Variants in CPM observed in about 807,000 individuals in gnomAD.
The protein encoded by CPM is carboxypeptidase M, also known as renal carboxypeptidase.
Under a neutral mutation model 46.4 loss-of-function variants are expected in CPM, and 35 were observed. The ratio of observed to expected loss-of-function variants is 0.75; its 90% CI spans 0.58 to 1.00. The LOEUF (loss-of-function observed/expected upper bound fraction) is 1.00, where lower values mean the gene tolerates loss of function less well. CPM is among the 50% of genes least tolerant of loss of function. CPM has a pLI of 0.00. For synonymous variants in CPM, 195 were observed against 195.3 expected, an observed-to-expected ratio of 1.00 and a Z score of 0.01; for missense variants, 422 against 530.4, an observed-to-expected ratio of 0.80 and a Z score of 2.01.
rs1345713700 is a variant in CPM, at chr12:68,870,378, G to A, written c.453C>T (p.Asp151=). Residue 151 remains aspartate, a synonymous_variant, in exon 5 of 9, where the codon GAC becomes GAT. Coordinates refer to ENST00000551568, the MANE Select transcript of CPM (RefSeq NM_198320.5). ...AAGCATCGGGGAAATTTCGATTCAA[G>A]TCATACTGGTTATAATTTTCCCTTT... ...SIGRENYNQY[D]LNRNFPDAFE... 6 of 1,613,926 alleles carry A rather than the reference G, an allele frequency of 3.7e-6. No individual in the cohort carries two copies. The highest frequency in any genetic ancestry group is 3.3e-5 in the Admixed American group (2 of 59,994).
chr12:68,921,059 T>C (rs904592223), intron 2 of CPM, among the ~76,000 whole-genome samples: 1 of 151,960 alleles, frequency 6.6e-6, no homozygotes, highest in Non-Finnish European at 1.5e-5. Context: ...CCACCTTTTT[T>C]CTTTGTCAAA....
At chr12:68,927,665 C>T (rs1437770479) in intron 2 of CPM, among the ~76,000 whole-genome samples, 1 of 152,042 alleles carries the variant, frequency 6.6e-6, no homozygotes, top group Non-Finnish European at 1.5e-5. Flanking sequence ...ATGGTAATGC[C>T]TAGGTTTTCT....
At chr12:68,932,907 C>A (rs1319340237) in intron 1 of CPM, 67 bp from the exon 2 acceptor site, 1 of 1,441,788 alleles carries the variant, frequency 6.9e-7, no homozygotes. Flanking sequence ...TCACCAGCTA[C>A]GTCTCGGTAC....
At position 68,859,095 on chromosome 12, in the gene CPM, ATATT is replaced by A. The variant is rs774724250; in HGVS notation, c.941-28_941-25del. The A allele has an allele frequency of 2.2e-6, 3 of 1,345,030 alleles. No individual in the cohort carries two copies. The South Asian group carries it at 5.8e-5, about 26-fold the overall frequency. The allele number at this position is 1,345,030 out of a possible 1,614,324, so 83.3% of individuals were successfully genotyped here. A position where few individuals can be genotyped will look rare whatever the true frequency, so the allele number is the denominator to read the frequency against. On this transcript the variant is annotated intron_variant, in intron 7 of 8. Transcript: ENST00000551568. Reference sequence around the variant, plus strand: ...ACCTGCAAGACAAAAATAAAATTAAATATTAATACCATATTTTATGGCATATAAA... The same window carrying A: ...ACCTGCAAGACAAAAATAAAATTAAAAATACCATATTTTATGGCATATAAA...
chr12:68,960,031 A>G (rs191809904), intron 1 of CPM, among the ~76,000 whole-genome samples: 29 of 152,346 alleles, frequency 1.9e-4, no homozygotes, highest in Admixed American at 1.2e-3. Context: ...ATACAAATAC[A>G]TTCTTTGTTC....
intron 2 of CPM, among the ~76,000 whole-genome samples, chr12:68,892,406 T>C (rs926164436): frequency 1.3e-5 from 2 of 152,170 alleles, no homozygotes; most frequent in Admixed American, 6.5e-5. Context: ...TTTGATTAGC[T>C]GGTACATCCC....
intron 2 of CPM, among the ~76,000 whole-genome samples, chr12:68,918,033 C>G (rs80232381): frequency 0.046 from 7,016 of 152,218 alleles, 255 homozygotes; most frequent in Non-Finnish European, 0.072. Context: ...TAAATCTTAG[C>G]CTTGAATATG....
At chr12:68,885,984 C>T (rs79448109) in intron 2 of CPM, 95 bp from the exon 3 acceptor site, 118,301 of 980,252 alleles carry the variant, frequency 0.12, 7,293 homozygotes, top group Middle Eastern at 0.16. Context: ...GCTGCTTCCC[C>T]CACTTGATCG....
intron 2 of CPM, among the ~76,000 whole-genome samples, chr12:68,904,597 A>G (rs78329709): frequency 0.012 from 1,763 of 152,340 alleles, 35 homozygotes; most frequent in African/African-American, 0.039. Context: ...AGAATTGCTA[A>G]TACCTTCAGA....
chr12:68,888,063 T>C (rs960948856), intron 2 of CPM, among the ~76,000 whole-genome samples: 4 of 152,250 alleles, frequency 2.6e-5, no homozygotes, highest in Non-Finnish European at 5.9e-5. Context: ...GAGTGAGCTG[T>C]TATACCTGGC....
intron 2 of CPM, among the ~76,000 whole-genome samples, chr12:68,894,337 T>C (rs1886779719): frequency 6.6e-6 from 1 of 152,232 alleles, no homozygotes; most frequent in Non-Finnish European, 1.5e-5. Flanking sequence ...GTATCTACTG[T>C]AACATTTCAA....
chr12:68,880,246 C>T (rs1886133000), intron 3 of CPM, among the ~76,000 whole-genome samples: 2 of 152,162 alleles, frequency 1.3e-5, no homozygotes, highest in African/African-American at 2.4e-5. Context: ...CAGAAAAACA[C>T]CTACTAGTCT....
At chr12:68,919,724 A>T (rs1428943838) in intron 2 of CPM, among the ~76,000 whole-genome samples, 3 of 152,248 alleles carry the variant, frequency 2.0e-5, no homozygotes, top group African/African-American at 7.2e-5. Context: ...ATAAATTGAA[A>T]GGAACTGACA....
chr12:68,920,791 A>G (rs571119397), intron 2 of CPM, among the ~76,000 whole-genome samples: 1 of 150,696 alleles, frequency 6.6e-6, no homozygotes, highest in Non-Finnish European at 1.5e-5. Flanking sequence ...CCTGGGTTCA[A>G]GTGATTCTCC....
At chr12:68,933,511 ACT>A (rs920538282), upstream of CPM, among the ~76,000 whole-genome samples, 26 of 152,090 alleles carry the variant, frequency 1.7e-4, no homozygotes, top group African/African-American at 5.3e-4. Context: ...ACCGAGGGAC[ACT>A]CTCTGTCGCA....
In CPM at chr12:68,861,659, G is replaced by T. The variant is rs532162753; in HGVS notation, c.941-2588C>A. Reference sequence around the variant, plus strand: ...ATCTCCTGCCTCAGCCTCCTAAGTAGCTGGGATTACAGGCACGCACCATCA... The same window carrying T: ...ATCTCCTGCCTCAGCCTCCTAAGTATCTGGGATTACAGGCACGCACCATCA... On this transcript the variant is annotated intron_variant, in intron 7 of 8. Coordinates refer to ENST00000551568, the MANE Select transcript of CPM (RefSeq NM_198320.5). Among the ~76,000 whole-genome samples, 10 of 151,738 alleles carry T rather than the reference G, an allele frequency of 6.6e-5. No homozygotes were observed. The East Asian group carries it at 1.7e-3, about 26-fold the overall frequency.
At chr12:68,925,817 C>A (rs1343535627) in intron 2 of CPM, among the ~76,000 whole-genome samples, 1 of 152,112 alleles carries the variant, frequency 6.6e-6, no homozygotes, top group African/African-American at 2.4e-5. Context: ...GCAGCACAGT[C>A]CGATCAAAAT....
intron 7 of CPM, among the ~76,000 whole-genome samples, chr12:68,863,054 C>T (rs1450232416): frequency 6.6e-6 from 1 of 152,134 alleles, no homozygotes; most frequent in Non-Finnish European, 1.5e-5. Flanking sequence ...CATCTGTTGG[C>T]CACAATTTAG....
chr12:68,842,854 C>T (rs1213778116), intron 5 of CPM: 1 of 204,042 alleles, frequency 4.9e-6, no homozygotes, highest in Non-Finnish European at 1.0e-5. Context: ...ACAAAATGGC[C>T]TTATATAATG....
Sources: allele counts gnomAD v4.1 joint callset (sites outside exome capture counted in the v4.1 genomes callset), GRCh38; gene constraint gnomAD v4.1.1; transcripts MANE v1.5; gene names NCBI Gene and HGNC (gene_info 2026-07-23, HGNC 2026-07-21).